MTREX: variants seen among roughly 807,000 people sequenced by gnomAD.
MTREX encodes the protein exosome RNA helicase MTR4.
MTREX carries 76 observed loss-of-function variants against 135.4 expected under a neutral mutation model. The ratio of observed to expected loss-of-function variants is 0.56; its 90% CI spans 0.47 to 0.68. The LOEUF (loss-of-function observed/expected upper bound fraction) is 0.68, where lower values mean the gene tolerates loss of function less well. Ranked by LOEUF, MTREX falls within the 30% of genes least tolerant of loss-of-function variation. MTREX has a pLI of 0.00. For missense variants in MTREX, 920 were observed against 1,262.1 expected (o/e 0.73, Z 4.11); for synonymous variants, 404 against 401.6 (o/e 1.01, Z -0.07).
intron 3 of MTREX, among the ~76,000 whole-genome samples, chr5:55,327,255 C>A (rs1749398222): frequency 6.6e-6 from 1 of 152,128 alleles, no homozygotes; most frequent in African/African-American, 2.4e-5. Flanking sequence ...AGTTGTAGAT[C>A]CTTGAGGAAT....
intron 3 of MTREX, among the ~76,000 whole-genome samples, chr5:55,325,144 A>G (rs1749352548): frequency 6.6e-6 from 1 of 152,148 alleles, no homozygotes; most frequent in Non-Finnish European, 1.5e-5. Flanking sequence ...TTTAGAGGTA[A>G]TTGGAGAATC....
chr5:55,373,674 T>C (rs1196571237), intron 16 of MTREX, among the ~76,000 whole-genome samples: 4 of 152,166 alleles, frequency 2.6e-5, no homozygotes, highest in Non-Finnish European at 5.9e-5. Flanking sequence ...AATTTCAATT[T>C]GTTAAATTTT....
chr5:55,375,580 G>C (rs540963529), intron 16 of MTREX, among the ~76,000 whole-genome samples: 54 of 152,138 alleles, frequency 3.5e-4, no homozygotes, highest in African/African-American at 1.3e-3. Flanking sequence ...CACATTTCAT[G>C]TTGCTCAAAC....
chr5:55,388,214 G>C, intron 19 of MTREX, 112 bp downstream of exon 19: 1 of 948,266 alleles, frequency 1.1e-6, no homozygotes, highest in East Asian at 2.9e-5. Context: ...TTCTAAATTA[G>C]AAGTTTTCAA....
intron 14 of MTREX, chr5:55,356,518 A>G (rs561694930): frequency 7.6e-4 from 153 of 202,214 alleles, no homozygotes; most frequent in Non-Finnish European, 1.3e-3. Flanking sequence ...TTTACCACCC[A>G]CAAGTGTCTC....
intron 5 of MTREX, 112 bp from the exon 6 acceptor site, chr5:55,339,898 C>A: frequency 1.7e-6 from 1 of 602,718 alleles, no homozygotes. Flanking sequence ...CTTCAGAGTC[C>A]ATTCAAGATA....
rs550023922 is a variant in MTREX at position 55,364,619 on chromosome 5, CAA to C, written c.1660-2105_1660-2104del. Among the ~76,000 whole-genome samples the C allele has an allele frequency of 2.4e-3, 366 of 152,188 alleles. 1 individual carries two copies. Among genetic ancestry groups the C allele is most frequent in the African/African-American group, 8.2e-3 (341 of 41,534 alleles). ...AGTCAAACTGGAAAGGACATTGAAA[CAA>C]GAACAGTTACGATGGTAGTTATAGT... On this transcript the variant is annotated intron_variant, in intron 15 of 26. Transcript: ENST00000230640.
chr5:55,379,436 C>T (rs1442501190), intron 18 of MTREX, among the ~76,000 whole-genome samples: 3 of 152,076 alleles, frequency 2.0e-5, no homozygotes, highest in East Asian at 1.9e-4. Context: ...CCACCTGCCT[C>T]GGCCTCCCAA....
chr5:55,324,214 A>G lies in MTREX; in HGVS notation c.339+16A>G. ...TACACATGAGGTAAGCACAAACAGCATACAGAAGGTTAGTGTTACAAATGG... is the reference window on the plus strand; with the variant it reads ...TACACATGAGGTAAGCACAAACAGCGTACAGAAGGTTAGTGTTACAAATGG... On this transcript the variant is annotated intron_variant, in intron 3 of 26. Transcript: ENST00000230640. 1.9e-6 allele frequency: 3 copies of G among 1,584,924 alleles called. No individual in the cohort carries two copies. The highest frequency in any genetic ancestry group is 2.6e-6 in the Non-Finnish European group (3 of 1,157,180).
chr5:55,380,022 G>A (rs1166111292), intron 18 of MTREX, among the ~76,000 whole-genome samples: 3 of 151,966 alleles, frequency 2.0e-5, no homozygotes, highest in African/African-American at 4.8e-5. Flanking sequence ...TGCAATCTCC[G>A]CCTCCCGGTT....
chr5:55,349,363 A>AT (rs961293218), intron 11 of MTREX, among the ~76,000 whole-genome samples: 1 of 151,478 alleles, frequency 6.6e-6, no homozygotes, highest in African/African-American at 2.4e-5. Context: ...ATTTTTTTGT[A>AT]TTTTTTGTAG....
chr5:55,384,488 T>G (rs1750447572), intron 18 of MTREX, among the ~76,000 whole-genome samples: 2 of 152,210 alleles, frequency 1.3e-5, no homozygotes, highest in South Asian at 4.1e-4. Context: ...TTAAGTCTCT[T>G]TAGCCTAACA....
At chr5:55,346,193 A>T (rs1749730063) in intron 10 of MTREX, among the ~76,000 whole-genome samples, 2 of 152,130 alleles carry the variant, frequency 1.3e-5, no homozygotes, top group South Asian at 4.2e-4. Context: ...CTAGGAGTGG[A>T]ATTGCTGCAC....
chr5:55,327,888 A>T (rs1006418539), intron 4 of MTREX, 110 bp downstream of exon 4: 1 of 760,570 alleles, frequency 1.3e-6, no homozygotes, highest in Non-Finnish European at 2.2e-6. Context: ...ATATGTATGT[A>T]TCAAGAACAA....
In MTREX at chr5:55,400,320, A is replaced by T. The variant is rs767328942; in HGVS notation, c.2380A>T (p.Ile794Phe). ...GIQDQGLKKV[I>F]QKVEAFEHRM... The stretch of plus-strand genomic sequence containing the variant: ...TCAAGATCAAGGGCTGAAAAAAGTC[A>T]TTCAGAAAGTAGAAGCTTTTGAGCA... The change falls in exon 21 of 27, where the codon ATT (isoleucine) becomes TTT (phenylalanine). Residue 794 changes from isoleucine (I) to phenylalanine (F), a missense_variant. Ile to Phe is a conservative substitution (Grantham distance 21). Transcript: ENST00000230640. 6.2e-7 allele frequency: 1 copy of T among 1,613,506 alleles called. No homozygotes were observed. Among genetic ancestry groups the T allele is most frequent in the Non-Finnish European group, 8.5e-7 (1 of 1,179,732 alleles).
In MTREX at chr5:55,405,567, G is replaced by C. The variant is rs546697451; in HGVS notation, c.2624G>C (p.Arg875Pro). Residue 875 changes from arginine (R) to proline (P), a missense_variant, in exon 22 of 27, where the codon CGA becomes CCA. Transcript: ENST00000230640. The stretch of plus-strand genomic sequence containing the variant: ...TCTGATGTAATAGAGATGAAAGGAC[G>C]AGTGGCTTGTGAGATAAGCAGGTAA... ...TSSDVIEMKG[R>P]VACEISSADE... 6.2e-7 allele frequency: 1 copy of C among 1,612,566 alleles called. No homozygotes were observed. The highest frequency in any genetic ancestry group is 1.3e-5 in the African/African-American group (1 of 74,888).
intron 5 of MTREX, among the ~76,000 whole-genome samples, chr5:55,332,515 A>C (rs974111230): frequency 6.6e-6 from 1 of 152,196 alleles, no homozygotes; most frequent in African/African-American, 2.4e-5. Flanking sequence ...AGAATACCAC[A>C]GACTGGGTAA....
chr5:55,416,505 C>T (rs1429304444), intron 25 of MTREX, among the ~76,000 whole-genome samples: 1 of 151,986 alleles, frequency 6.6e-6, no homozygotes. Context: ...TGAAAATGAT[C>T]AGTCATTGCA....
intron 22 of MTREX, among the ~76,000 whole-genome samples, chr5:55,407,286 C>T: frequency 6.6e-6 from 1 of 152,282 alleles, no homozygotes; most frequent in South Asian, 2.1e-4. Flanking sequence ...CTACCCAGCC[C>T]TAGTTAGTTG....
Sources: allele counts gnomAD v4.1 joint callset (sites outside exome capture counted in the v4.1 genomes callset), GRCh38; gene constraint gnomAD v4.1.1; transcripts MANE v1.5; gene names NCBI Gene and HGNC (gene_info 2026-07-23, HGNC 2026-07-21).